The following AKAP19 variants were observed in gnomAD, a reference collection of about 807,000 sequenced individuals.
The protein encoded by AKAP19 is A-kinase anchoring protein 19, also known as small A-kinase anchoring protein.
the AKAP19 span, among the ~76,000 whole-genome samples, chr2:190,123,452 T>C: frequency 4.6e-5 from 7 of 152,370 alleles, no homozygotes; most frequent in Non-Finnish European, 1.0e-4. Flanking sequence ...CTGTGTGCTG[T>C]AAAATCAGTC....
At chr2:190,041,832 A>T in the AKAP19 span, among the ~76,000 whole-genome samples, 1 of 152,238 alleles carries the variant, frequency 6.6e-6, no homozygotes, top group Non-Finnish European at 1.5e-5. Flanking sequence ...TGATTTGCAT[A>T]CATTAAACAA....
At chr2:190,086,518 A>C in the AKAP19 span, among the ~76,000 whole-genome samples, 1 of 152,216 alleles carries the variant, frequency 6.6e-6, no homozygotes, top group African/African-American at 2.4e-5. Flanking sequence ...CGATGGTTGC[A>C]GTCTACACAA....
At chr2:189,918,563 G>T in the AKAP19 span, among the ~76,000 whole-genome samples, 1 of 152,132 alleles carries the variant, frequency 6.6e-6, no homozygotes, top group Non-Finnish European at 1.5e-5. Flanking sequence ...ATTACTGGTG[G>T]GGATGTAAAA....
chr2:190,000,478 C>T, the AKAP19 span, among the ~76,000 whole-genome samples: 1 of 152,192 alleles, frequency 6.6e-6, no homozygotes, highest in Non-Finnish European at 1.5e-5. Flanking sequence ...GGGGAACCCT[C>T]TCTATATCCA....
the AKAP19 span, among the ~76,000 whole-genome samples, chr2:189,880,852 G>C: frequency 2.6e-5 from 4 of 152,194 alleles, no homozygotes; most frequent in South Asian, 8.3e-4. Flanking sequence ...TAAAATACCA[G>C]TAATGATACT....
the AKAP19 span, among the ~76,000 whole-genome samples, chr2:190,008,748 A>G: frequency 1.1e-4 from 11 of 101,082 alleles, no homozygotes; most frequent in Non-Finnish European, 9.9e-5. Flanking sequence ...ACACACACAC[A>G]CACACACACA....
the AKAP19 span, among the ~76,000 whole-genome samples, chr2:189,886,754 G>A: frequency 6.6e-6 from 1 of 152,158 alleles, no homozygotes. Flanking sequence ...GGGAAGAAAA[G>A]GATAGAGGTA....
chr2:189,947,297 C>T, the AKAP19 span, among the ~76,000 whole-genome samples: 1 of 152,152 alleles, frequency 6.6e-6, no homozygotes, highest in Non-Finnish European at 1.5e-5. Context: ...AAATAACCCA[C>T]CCATTTCTTT....
chr2:190,187,429 T>A, the AKAP19 span, among the ~76,000 whole-genome samples: 5 of 149,692 alleles, frequency 3.3e-5, no homozygotes, highest in African/African-American at 1.2e-4. Flanking sequence ...TTTTTTTTGC[T>A]GGTTTTGTGT....
chr2:190,181,285 C>T, the AKAP19 span: 4 of 384,478 alleles, frequency 1.0e-5, no homozygotes, highest in Non-Finnish European at 1.4e-5. Context: ...CATCTCCGTC[C>T]CCTAATCGAG....
At chr2:190,144,698 C>T in the AKAP19 span, among the ~76,000 whole-genome samples, 5 of 152,190 alleles carry the variant, frequency 3.3e-5, no homozygotes, top group East Asian at 1.9e-4. Flanking sequence ...TATTCTGGGC[C>T]GGGCATGGTG....
At chr2:190,111,773 C>T in the AKAP19 span, among the ~76,000 whole-genome samples, 1 of 152,148 alleles carries the variant, frequency 6.6e-6, no homozygotes, top group African/African-American at 2.4e-5. Flanking sequence ...CCAGAATGTG[C>T]ACATATACAC....
chr2:190,118,895 G>T, the AKAP19 span, among the ~76,000 whole-genome samples: 1 of 152,140 alleles, frequency 6.6e-6, no homozygotes, highest in African/African-American at 2.4e-5. Context: ...AAGAAATAAA[G>T]GGTATTCAAT....
the AKAP19 span, among the ~76,000 whole-genome samples, chr2:189,891,817 T>C: frequency 2.0e-5 from 3 of 152,158 alleles, no homozygotes; most frequent in Admixed American, 1.3e-4. Flanking sequence ...AATAATATCC[T>C]GAAGAGTGTT....
At chr2:190,027,547 C>G in the AKAP19 span, among the ~76,000 whole-genome samples, 5 of 152,140 alleles carry the variant, frequency 3.3e-5, no homozygotes, top group African/African-American at 4.8e-5. Context: ...TCAGTGTGAC[C>G]TTTATGGCAG....
chr2:190,169,434 A>G, the AKAP19 span, among the ~76,000 whole-genome samples: 88 of 152,192 alleles, frequency 5.8e-4, no homozygotes, highest in Non-Finnish European at 9.4e-4. Flanking sequence ...CACTAAGAGC[A>G]TGAGGCACTC....
At chr2:189,917,994 A>G in the AKAP19 span, among the ~76,000 whole-genome samples, 4 of 151,912 alleles carry the variant, frequency 2.6e-5, no homozygotes, top group Non-Finnish European at 5.9e-5. Flanking sequence ...GTTGCTCTAT[A>G]TATTACATTA....
chr2:189,948,171 C>T, the AKAP19 span, among the ~76,000 whole-genome samples: 2 of 152,122 alleles, frequency 1.3e-5, no homozygotes, highest in Non-Finnish European at 2.9e-5. Flanking sequence ...TAGCATTCTT[C>T]ATGTACTAGC....
the AKAP19 span, among the ~76,000 whole-genome samples, chr2:189,958,384 G>A: frequency 6.6e-6 from 1 of 151,868 alleles, no homozygotes; most frequent in Non-Finnish European, 1.5e-5. Flanking sequence ...ACATTGACAG[G>A]AATATGGAGC....
Sources: gnomAD v4.1 joint callset for allele counts (sites outside exome capture counted in the v4.1 genomes callset) on GRCh38, gnomAD v4.1.1 for gene constraint, MANE v1.5 for transcripts, NCBI Gene and HGNC (gene_info 2026-07-23, HGNC 2026-07-21) for gene names.